The following PDGFRL variants were observed in gnomAD, a reference collection of about 807,000 sequenced individuals.
PDGFRL encodes the protein platelet derived growth factor receptor like.
A neutral mutation model predicts 37.2 loss-of-function variants in PDGFRL; 46 were observed. The observed-to-expected ratio is 1.24, with a 90% CI of 0.98 to 1.58. The LOEUF is 1.58. Ranked by LOEUF, PDGFRL falls within the 40% of genes most tolerant of loss-of-function variation. The pLI, the probability that PDGFRL is intolerant of heterozygous loss-of-function variation, is 0.00. For synonymous variants in PDGFRL, 251 were observed against 184.3 expected, an observed-to-expected ratio of 1.36 and a Z score of -2.93; for missense variants, 692 against 467.6, an observed-to-expected ratio of 1.48 and a Z score of -4.43.
intron 5 of PDGFRL, among the ~76,000 whole-genome samples, chr8:17,641,519 G>A (rs1254061910): frequency 6.6e-6 from 1 of 152,196 alleles, no homozygotes; most frequent in African/African-American, 2.4e-5. Flanking sequence ...CTCTATACAA[G>A]CTGTGCCCAT....
At chr8:17,598,109 C>T (rs1804091596) in intron 2 of PDGFRL, among the ~76,000 whole-genome samples, 1 of 152,102 alleles carries the variant, frequency 6.6e-6, no homozygotes, top group African/African-American at 2.4e-5. Context: ...ATTCAATTTA[C>T]TCAATAAGGA....
chr8:17,636,959 A>C (rs1301577572), intron 5 of PDGFRL, among the ~76,000 whole-genome samples: 3 of 152,066 alleles, frequency 2.0e-5, no homozygotes, highest in Non-Finnish European at 2.9e-5. Flanking sequence ...TGTTTACATT[A>C]ATTTTGTATC....
In PDGFRL at chr8:17,634,222, T is replaced by C; in HGVS notation, c.939+9T>C. On this transcript the variant is annotated intron_variant, in intron 5 of 5. Coordinates refer to ENST00000251630, the MANE Select transcript of PDGFRL (RefSeq NM_001372073.1). ...TCTTCCCAGGGCAGAAGGTAAGTGT[T>C]GTACCTGCATCTCAGCCCCTGCGTC... is the stretch of plus-strand genomic sequence containing the variant. 1 of 1,597,654 alleles carries C rather than the reference T, an allele frequency of 6.3e-7. No individual in the cohort carries two copies. Among genetic ancestry groups the C allele is most frequent in the Non-Finnish European group, 8.5e-7 (1 of 1,169,710 alleles).
chr8:17,596,379 CA>C, intron 2 of PDGFRL: 1 of 1,139,470 alleles, frequency 8.8e-7, no homozygotes, highest in Non-Finnish European at 1.1e-6. Flanking sequence ...GCCCTGCCTC[CA>C]ATACCACGTA....
chr8:17,590,236 C>CAAAAAAAGAAAAAAAAAAAAAAAAAAA (rs1803906928), intron 2 of PDGFRL, among the ~76,000 whole-genome samples: 1 of 35,606 alleles, frequency 2.8e-5, no homozygotes, highest in Non-Finnish European at 6.3e-5. Context: ...GACTCCATCT[C>CAAAAAAAGAAAAAAAAAAAAAAAAAAA]AAAAAAAAAA....
chr8:17,597,326 T>G (rs1804074825), intron 2 of PDGFRL, among the ~76,000 whole-genome samples: 1 of 152,204 alleles, frequency 6.6e-6, no homozygotes, highest in Non-Finnish European at 1.5e-5. Flanking sequence ...CAGCCAAGCC[T>G]TGTAGTTATA....
At chr8:17,610,955 A>C (rs138540331) in intron 2 of PDGFRL, among the ~76,000 whole-genome samples, 1 of 152,194 alleles carries the variant, frequency 6.6e-6, no homozygotes, top group Non-Finnish European at 1.5e-5. Context: ...ATTTCCATGC[A>C]TTTCTCTACA....
intron 1 of PDGFRL, among the ~76,000 whole-genome samples, chr8:17,588,823 G>A (rs1243862238): frequency 1.3e-5 from 2 of 152,182 alleles, no homozygotes; most frequent in East Asian, 1.9e-4. Flanking sequence ...GCCTTGAATG[G>A]CTTCAGTTCT....
At chr8:17,613,807 G>A (rs58047164) in intron 2 of PDGFRL, among the ~76,000 whole-genome samples, 3,726 of 152,144 alleles carry the variant, frequency 0.024, 181 homozygotes, top group African/African-American at 0.085. Flanking sequence ...TGAACCCCAC[G>A]GAGGTCACAC....
At chr8:17,597,687 A>G (rs554014017) in intron 2 of PDGFRL, among the ~76,000 whole-genome samples, 5 of 152,240 alleles carry the variant, frequency 3.3e-5, no homozygotes, top group Admixed American at 3.3e-4. Flanking sequence ...ATGGCACCCA[A>G]ATATAATTTG....
intron 1 of PDGFRL, among the ~76,000 whole-genome samples, chr8:17,587,994 A>G (rs1185447795): frequency 4.6e-5 from 7 of 151,988 alleles, no homozygotes; most frequent in African/African-American, 1.7e-4. Flanking sequence ...CTTAGCTGAG[A>G]TTTTTAGAGT....
intron 4 of PDGFRL, among the ~76,000 whole-genome samples, chr8:17,632,506 T>C (rs925720422): frequency 1.3e-5 from 2 of 152,126 alleles, no homozygotes; most frequent in Admixed American, 1.3e-4. Context: ...CCCAGCTAAT[T>C]TTGTACTTTT....
chr8:17,591,668 C>T (rs1803943452), intron 2 of PDGFRL, among the ~76,000 whole-genome samples: 1 of 152,320 alleles, frequency 6.6e-6, no homozygotes, highest in African/African-American at 2.4e-5. Context: ...GTAATCCCAG[C>T]ACTTTGGGAG....
intron 2 of PDGFRL, among the ~76,000 whole-genome samples, chr8:17,593,359 A>C (rs1803983289): frequency 3.3e-5 from 5 of 151,990 alleles, no homozygotes; most frequent in Admixed American, 3.3e-4. Flanking sequence ...TGGGAGGCCA[A>C]GGTGGGCGGA....
chr8:17,594,279 C>T (rs1804004705), intron 2 of PDGFRL, among the ~76,000 whole-genome samples: 1 of 152,114 alleles, frequency 6.6e-6, no homozygotes, highest in Non-Finnish European at 1.5e-5. Flanking sequence ...CTTGCTCTGT[C>T]ACCCAGGCTG....
At chr8:17,633,947 C>A in intron 4 of PDGFRL, 127 bp from the exon 5 acceptor site, 1 of 935,178 alleles carries the variant, frequency 1.1e-6, no homozygotes, top group Non-Finnish European at 1.8e-6. Context: ...ACTGTCCTCG[C>A]ACTGGTCAGG....
intron 5 of PDGFRL, among the ~76,000 whole-genome samples, chr8:17,638,198 C>G (rs1805012869): frequency 6.6e-6 from 1 of 152,168 alleles, no homozygotes; most frequent in Non-Finnish European, 1.5e-5. Context: ...GAACTTTCCT[C>G]TTAGCACTGC....
chr8:17,633,906 C>T (rs1434344384), intron 4 of PDGFRL, among the ~76,000 whole-genome samples, 168 bp from the exon 5 acceptor site: 2 of 152,194 alleles, frequency 1.3e-5, no homozygotes, highest in African/African-American at 2.4e-5. Context: ...ATAAAGGTGG[C>T]TTCAAAGGAA....
intron 1 of PDGFRL, among the ~76,000 whole-genome samples, chr8:17,581,464 T>C (rs1379918049): frequency 1.3e-5 from 2 of 152,090 alleles, no homozygotes; most frequent in Non-Finnish European, 2.9e-5. Context: ...TTTTCAAAGG[T>C]AGGTGCTATG....
Sources: gnomAD v4.1 joint callset for allele counts (sites outside exome capture counted in the v4.1 genomes callset) on GRCh38, gnomAD v4.1.1 for gene constraint, MANE v1.5 for transcripts, NCBI Gene and HGNC (gene_info 2026-07-23, HGNC 2026-07-21) for gene names.